The following MDGA2 variants were observed in gnomAD, a reference collection of about 807,000 sequenced individuals.
MDGA2 encodes the protein MAM domain containing glycosylphosphatidylinositol anchor 2.
A neutral mutation model predicts 117.8 loss-of-function variants in MDGA2; 40 were observed. The observed-to-expected ratio is 0.34, with a 90% CI of 0.26 to 0.44. The LOEUF is 0.44. MDGA2 is among the 20% of genes least tolerant of loss of function. The pLI is 1.00. For missense variants in MDGA2, 1,123 were observed against 1,250.6 expected (o/e 0.90, Z 1.54); for synonymous variants, 452 against 439.0 (o/e 1.03, Z -0.37).
rs190050534 is a variant in MDGA2, at chr14:47,121,062, A to C, written c.925+10652T>G. 5.1e-4 allele frequency among the ~76,000 whole-genome samples: 78 copies of C among 152,276 alleles called. 1 individual carries two copies. The East Asian group carries it at 0.014, about 28-fold the overall frequency. On this transcript the variant is annotated intron_variant, in intron 5 of 16. Transcript: ENST00000399232. Reference sequence around the variant, plus strand: ...AGATTTAACAAAAATGTATTTCATCATATCAGAATATCAGGGGGGAAAAAC... The same window carrying C: ...AGATTTAACAAAAATGTATTTCATCCTATCAGAATATCAGGGGGGAAAAAC...
chr14:46,988,521 G>A (rs1566561531), intron 8 of MDGA2, among the ~76,000 whole-genome samples: 1 of 152,066 alleles, frequency 6.6e-6, no homozygotes, highest in East Asian at 1.9e-4. Context: ...GTTTTCAGAA[G>A]ATTTAGTGTA....
At chr14:47,622,567 C>A (rs1161263418) in intron 1 of MDGA2, among the ~76,000 whole-genome samples, 1 of 152,106 alleles carries the variant, frequency 6.6e-6, no homozygotes, top group Non-Finnish European at 1.5e-5. Context: ...ATGATGATTT[C>A]CCAGTGAAAA....
intron 3 of MDGA2, among the ~76,000 whole-genome samples, chr14:47,175,414 A>G (rs1451994687): frequency 1.3e-5 from 2 of 150,592 alleles, no homozygotes; most frequent in East Asian, 3.9e-4. Flanking sequence ...AATACTGGCA[A>G]ACCGAATCCA....
chr14:47,134,982 C>T (rs1882383290), intron 4 of MDGA2, among the ~76,000 whole-genome samples: 3 of 151,892 alleles, frequency 2.0e-5, no homozygotes, highest in Admixed American at 1.3e-4. Flanking sequence ...GTTAATTATA[C>T]TCTGTCAGTC....
intron 1 of MDGA2, among the ~76,000 whole-genome samples, chr14:47,656,333 G>C (rs1171281319): frequency 6.6e-6 from 1 of 152,104 alleles, no homozygotes; most frequent in African/African-American, 2.4e-5. Flanking sequence ...TGACTGCATG[G>C]GCAGTCCTGT....
chr14:47,537,426 G>GT (rs1341519059), intron 1 of MDGA2, among the ~76,000 whole-genome samples: 1 of 151,024 alleles, frequency 6.6e-6, no homozygotes, highest in Non-Finnish European at 1.5e-5. Context: ...TGCACGTTGT[G>GT]CACATGTACC....
chr14:47,252,448 T>C lies in MDGA2; in HGVS notation c.421-34253A>G, dbSNP rs530510419. On this transcript the variant is annotated intron_variant, in intron 2 of 16. Coordinates refer to ENST00000399232, the MANE Select transcript of MDGA2 (RefSeq NM_001113498.3). ...AATAATTTAATCACAACTTTGCATA[T>C]TTCTGTTCATGTGAACTGGCTATTC... Among the ~76,000 whole-genome samples the C allele has an allele frequency of 2.2e-4, 34 of 152,254 alleles. No individual in the cohort carries two copies. In the South Asian group the frequency reaches 6.6e-3, roughly 30 times the overall value.
intron 1 of MDGA2, among the ~76,000 whole-genome samples, chr14:47,609,251 G>C (rs569934842): frequency 6.7e-6 from 1 of 150,124 alleles, no homozygotes; most frequent in Non-Finnish European, 1.5e-5. Context: ...TCATTGTATT[G>C]TATCATTCTT....
chr14:46,948,452 C>T (rs1001726765), intron 9 of MDGA2, among the ~76,000 whole-genome samples: 1 of 151,910 alleles, frequency 6.6e-6, no homozygotes, highest in Admixed American at 6.6e-5. Flanking sequence ...ATCTTCTCTT[C>T]CCTCTACTCT....
In MDGA2 at chr14:47,011,986, A is replaced by G. The variant is rs554075515; in HGVS notation, c.1819+23025T>C. 4.8e-4 allele frequency among the ~76,000 whole-genome samples: 34 copies of G among 71,304 alleles called. No individual in the cohort carries two copies. In the South Asian group the frequency reaches 0.019, roughly 40 times the overall value. 46.8% of individuals were successfully genotyped at this position (71,304 alleles called of 152,430 possible). ...TTGAGTATGTGCTATTGTCATCAGCACCTTCCTGAATTGTGTCATCGTTAG... is the reference window on the plus strand; with the variant it reads ...TTGAGTATGTGCTATTGTCATCAGCGCCTTCCTGAATTGTGTCATCGTTAG... On this transcript the variant is annotated intron_variant, in intron 8 of 16. Coordinates refer to ENST00000399232, the MANE Select transcript of MDGA2 (RefSeq NM_001113498.3).
chr14:47,399,576 C>T (rs962687267), intron 1 of MDGA2, among the ~76,000 whole-genome samples: 2 of 152,128 alleles, frequency 1.3e-5, no homozygotes, highest in African/African-American at 4.8e-5. Flanking sequence ...CATAGCATGG[C>T]ATGGCATCGT....
intron 2 of MDGA2, among the ~76,000 whole-genome samples, chr14:47,256,652 T>C (rs1170397800): frequency 1.3e-5 from 2 of 152,222 alleles, no homozygotes; most frequent in African/African-American, 4.8e-5. Flanking sequence ...TTTTACATAG[T>C]TGTGACTTTA....
At chr14:47,500,127 T>C (rs1282834598) in intron 1 of MDGA2, among the ~76,000 whole-genome samples, 1 of 152,168 alleles carries the variant, frequency 6.6e-6, no homozygotes, top group Non-Finnish European at 1.5e-5. Context: ...TAAATCTGTG[T>C]GGCTCATACC....
intron 8 of MDGA2, among the ~76,000 whole-genome samples, chr14:46,959,033 T>G (rs1373293963): frequency 7.2e-5 from 11 of 152,230 alleles, no homozygotes; most frequent in African/African-American, 2.7e-4. Context: ...TCCAGTTGAA[T>G]TAATTCATAA....
At chr14:47,089,957 CTCAA>C (rs998317040) in intron 6 of MDGA2, among the ~76,000 whole-genome samples, 1 of 152,058 alleles carries the variant, frequency 6.6e-6, no homozygotes, top group African/African-American at 2.4e-5. Flanking sequence ...ACAATAAGTG[CTCAA>C]TCAGTGTTAG....
chr14:47,106,191 G>A (rs1228550780), intron 5 of MDGA2, among the ~76,000 whole-genome samples: 4 of 151,988 alleles, frequency 2.6e-5, no homozygotes, highest in African/African-American at 4.8e-5. Context: ...TCAAAAGGCC[G>A]TCTTATTCTC....
intron 7 of MDGA2, among the ~76,000 whole-genome samples, chr14:47,041,097 C>T (rs568974868): frequency 1.3e-5 from 2 of 152,194 alleles, no homozygotes; most frequent in Non-Finnish European, 2.9e-5. Context: ...CAATTAGTAG[C>T]TCCTACAAGT....
intron 1 of MDGA2, among the ~76,000 whole-genome samples, chr14:47,429,701 G>A (rs1330052588): frequency 1.3e-5 from 2 of 151,924 alleles, no homozygotes; most frequent in Non-Finnish European, 2.9e-5. Context: ...TTCATTGTAA[G>A]ACATTTTATT....
At chr14:47,668,213 G>T (rs1176859197) in intron 1 of MDGA2, among the ~76,000 whole-genome samples, 3 of 152,136 alleles carry the variant, frequency 2.0e-5, no homozygotes, top group African/African-American at 4.8e-5. Context: ...TGGAAAAGTA[G>T]CAAGAAACTG....
Sources: allele counts gnomAD v4.1 joint callset (sites outside exome capture counted in the v4.1 genomes callset), GRCh38; gene constraint gnomAD v4.1.1; transcripts MANE v1.5; gene names NCBI Gene and HGNC (gene_info 2026-07-23, HGNC 2026-07-21).